The following PRKAR2A variants were observed in gnomAD, a reference collection of about 807,000 sequenced individuals.
The protein encoded by PRKAR2A is protein kinase cAMP-dependent type II regulatory subunit alpha, also known as cAMP-dependent protein kinase type II-alpha regulatory subunit.
In PRKAR2A, 29 loss-of-function variants were observed where a neutral mutation model predicts 51.9. The observed-to-expected ratio is 0.56, with a 90% CI of 0.42 to 0.76. The LOEUF (loss-of-function observed/expected upper bound fraction) is 0.76, where lower values mean the gene tolerates loss of function less well. PRKAR2A is among the 30% of genes least tolerant of loss of function. The pLI is 0.00. For synonymous variants in PRKAR2A, 178 were observed against 186.2 expected (o/e 0.96, Z 0.36); for missense variants, 445 against 512.1 (o/e 0.87, Z 1.26).
At chr3:48,816,124 A>C (rs2082871313) in intron 1 of PRKAR2A, among the ~76,000 whole-genome samples, 2 of 152,060 alleles carry the variant, frequency 1.3e-5, no homozygotes, top group African/African-American at 4.8e-5. Flanking sequence ...GACCATCTAA[A>C]ACCCTCCTTC....
intron 1 of PRKAR2A, among the ~76,000 whole-genome samples, chr3:48,823,316 G>A (rs947434498): frequency 6.6e-6 from 1 of 151,958 alleles, no homozygotes; most frequent in Non-Finnish European, 1.5e-5. Flanking sequence ...TCTAAAGGGG[G>A]TGTCGGGGGG....
chr3:48,838,218 T>C (rs938610589), intron 1 of PRKAR2A, among the ~76,000 whole-genome samples: 7 of 151,918 alleles, frequency 4.6e-5, no homozygotes, highest in Non-Finnish European at 5.9e-5. Context: ...ATTCCATTTA[T>C]ATGAAATATG....
rs750177380 is a variant in PRKAR2A at position 48,750,597 on chromosome 3, G to A, written c.*988C>T. On this transcript the variant is annotated 3_prime_UTR_variant, in exon 11 of 11. Transcript: ENST00000265563. The stretch of plus-strand genomic sequence containing the variant: ...GGCAAAGCTACACAACAACTCTGGA[G>A]TAGAAGGAAAGAACTCTCTTTATAG... 3.9e-5 allele frequency: 6 copies of A among 152,410 alleles called. No homozygotes were observed. The highest frequency in any genetic ancestry group is 7.4e-5 in the Non-Finnish European group (5 of 68,018). The allele number at this position is 152,410 out of a possible 1,614,324, so 9.4% of individuals were successfully genotyped here. A position where few individuals can be genotyped will look rare whatever the true frequency, so the allele number is the denominator to read the frequency against.
chr3:48,829,745 G>T (rs1187005032), intron 1 of PRKAR2A, among the ~76,000 whole-genome samples: 1 of 126,378 alleles, frequency 7.9e-6, no homozygotes, highest in Non-Finnish European at 1.6e-5. Flanking sequence ...TTATATATAC[G>T]CATATATTTT....
rs1267020197 is a variant in PRKAR2A at position 48,746,673 on chromosome 3, G to C, written c.*4912C>G. 2.0e-5 allele frequency: 3 copies of C among 152,124 alleles called. No homozygotes were observed. The highest frequency in any genetic ancestry group is 7.2e-5 in the African/African-American group (3 of 41,402). The allele number at this position is 152,124 out of a possible 1,614,324, so 9.4% of individuals were successfully genotyped here. A position where few individuals can be genotyped will look rare whatever the true frequency, so the allele number is the denominator to read the frequency against. On this transcript the variant is annotated 3_prime_UTR_variant, in exon 11 of 11. Coordinates refer to ENST00000265563, the MANE Select transcript of PRKAR2A (RefSeq NM_004157.4). ...AAAAAGAACATCAACCTTGTTTATG[G>C]CAAACAGTGACTTAATTCTTAATGA...
At chr3:48,823,999 G>A (rs1021336343) in intron 1 of PRKAR2A, among the ~76,000 whole-genome samples, 7 of 152,168 alleles carry the variant, frequency 4.6e-5, no homozygotes, top group African/African-American at 1.4e-4. Flanking sequence ...CCAGCACTTT[G>A]GGAGGCTAAG....
rs990899956 is a variant in PRKAR2A, at chr3:48,847,085, T to C, written c.262+250A>G. Among the ~76,000 whole-genome samples the C allele has an allele frequency of 6.6e-6, 1 of 152,222 alleles. No homozygotes were observed. Among genetic ancestry groups the C allele is most frequent in the African/African-American group, 2.4e-5 (1 of 41,460 alleles). On this transcript the variant is annotated intron_variant, in intron 1 of 10. Coordinates refer to ENST00000265563, the MANE Select transcript of PRKAR2A (RefSeq NM_004157.4). The surrounding 1 kb of genome is among the most constrained non-coding windows in gnomAD (Gnocchi z 4.4). ...TCTAGCAGGGCCGACAGCGCGCACG[T>C]TTCCTTCAAGGCTGGATCTGACAAA...
At chr3:48,767,785 A>G (rs911858898) in intron 6 of PRKAR2A, among the ~76,000 whole-genome samples, 2 of 151,638 alleles carry the variant, frequency 1.3e-5, no homozygotes, top group African/African-American at 4.9e-5. Context: ...TTAGCTGGGC[A>G]TGGCGGCACG....
At chr3:48,779,292 C>A (rs13074318) in intron 5 of PRKAR2A, among the ~76,000 whole-genome samples, 4 of 151,950 alleles carry the variant, frequency 2.6e-5, no homozygotes, top group Admixed American at 1.3e-4. Flanking sequence ...CAAAGAATAA[C>A]CCCTTTTGTT....
At chr3:48,814,936 G>C (rs2082848802) in intron 1 of PRKAR2A, among the ~76,000 whole-genome samples, 1 of 152,264 alleles carries the variant, frequency 6.6e-6, no homozygotes, top group South Asian at 2.1e-4. Context: ...TTTTGAGACA[G>C]AGTCTCGCTC....
chr3:48,765,845 T>A (rs1056197534), intron 6 of PRKAR2A, among the ~76,000 whole-genome samples: 2 of 152,012 alleles, frequency 1.3e-5, no homozygotes, highest in Non-Finnish European at 1.5e-5. Context: ...TAGATTGTTC[T>A]TGCCTAAAAA....
At chr3:48,829,583 T>TGC (rs2083134810) in intron 1 of PRKAR2A, among the ~76,000 whole-genome samples, 2 of 51,122 alleles carry the variant, frequency 3.9e-5, no homozygotes, top group African/African-American at 1.6e-4. Flanking sequence ...AATATATATG[T>TGC]GTGTATATAT....
chr3:48,793,769 G>T (rs1559624443), intron 3 of PRKAR2A, among the ~76,000 whole-genome samples: 1 of 152,170 alleles, frequency 6.6e-6, no homozygotes. Flanking sequence ...TCGGATTACA[G>T]GTGTGAGCCA....
intron 6 of PRKAR2A, 81 bp from the exon 7 acceptor site, chr3:48,765,430 A>G (rs2081926920): frequency 1.1e-6 from 1 of 897,902 alleles, no homozygotes; most frequent in South Asian, 1.7e-5. Context: ...CAAAGCAAAT[A>G]TTAGAGGAAT....
intron 1 of PRKAR2A, among the ~76,000 whole-genome samples, chr3:48,817,125 G>A (rs2082886193): frequency 6.6e-6 from 1 of 151,330 alleles, no homozygotes; most frequent in Non-Finnish European, 1.5e-5. Context: ...TCAAGAGATT[G>A]AGACCATCCT....
chr3:48,766,065 T>C (rs1260883125), intron 6 of PRKAR2A, among the ~76,000 whole-genome samples: 2 of 151,032 alleles, frequency 1.3e-5, no homozygotes, highest in African/African-American at 4.9e-5. Flanking sequence ...TACGAAAAAA[T>C]ACACAAAAAA....
At chr3:48,819,169 C>A (rs1423813886) in intron 1 of PRKAR2A, among the ~76,000 whole-genome samples, 1 of 152,160 alleles carries the variant, frequency 6.6e-6, no homozygotes, top group East Asian at 1.9e-4. Context: ...GCGCCAACCA[C>A]CACACCTGGC....
intron 1 of PRKAR2A, among the ~76,000 whole-genome samples, chr3:48,838,122 G>A (rs576181649): frequency 2.0e-5 from 3 of 152,220 alleles, no homozygotes; most frequent in African/African-American, 7.2e-5. Flanking sequence ...AGCTTGCAGT[G>A]AGCTGAGATC....
intron 1 of PRKAR2A, among the ~76,000 whole-genome samples, chr3:48,817,767 AC>A (rs941498870): frequency 6.6e-6 from 1 of 151,862 alleles, no homozygotes; most frequent in Non-Finnish European, 1.5e-5. Context: ...TATTTTAAAA[AC>A]AAAAACAATG....
Sources: allele counts gnomAD v4.1 joint callset (sites outside exome capture counted in the v4.1 genomes callset), GRCh38; gene constraint gnomAD v4.1.1; non-coding constraint Gnocchi (gnomAD v3.1); transcripts MANE v1.5; gene names NCBI Gene and HGNC (gene_info 2026-07-23, HGNC 2026-07-21).